DENND2B: variants seen among roughly 807,000 people sequenced by gnomAD.
DENND2B encodes the protein DENN domain-containing protein 2B.
DENND2B carries 32 observed loss-of-function variants against 116.0 expected under a neutral mutation model. The ratio of observed to expected loss-of-function variants is 0.28; its 90% CI spans 0.21 to 0.37. The LOEUF is 0.37. DENND2B is among the 10% of genes least tolerant of loss of function. DENND2B has a pLI of 1.00. For missense variants in DENND2B, 1,276 were observed against 1,477.7 expected (o/e 0.86, Z 2.24); for synonymous variants, 588 against 583.9 (o/e 1.01, Z -0.10).
rs774917365 is a variant in DENND2B at position 8,713,989 on chromosome 11, G to A, written c.1987+9C>T. 2 of 1,614,062 alleles carry A rather than the reference G, an allele frequency of 1.2e-6. No individual in the cohort carries two copies. Among genetic ancestry groups the A allele is most frequent in the East Asian group, 4.5e-5 (2 of 44,886 alleles). ...GAGAGCTTCCGTACTCATGGGAGCT[G>A]TGCCTCACCTTTGAACCTGTCATCA... On this transcript the variant is annotated intron_variant, in intron 8 of 19. Coordinates refer to ENST00000313726, the MANE Select transcript of DENND2B (RefSeq NM_213618.2).
chr11:8,712,576 G>C lies in DENND2B; in HGVS notation c.2147C>G (p.Pro716Arg). 6.4e-7 allele frequency: 1 copy of C among 1,554,472 alleles called. No individual in the cohort carries two copies. Among genetic ancestry groups the C allele is most frequent in the Non-Finnish European group, 8.7e-7 (1 of 1,148,296 alleles). Residue 716 changes from proline to arginine, a missense_variant, in exon 9 of 20, where the codon CCC (proline) becomes CGC (arginine). Around this residue, in one of 2 missense-constraint regions of DENND2B, gnomAD observed 420 missense variants for 631.1 expected, o/e 0.67. Transcript: ENST00000313726. The surrounding 1 kb of genome is among the most constrained non-coding windows in gnomAD (Gnocchi z 4.4). Reference sequence around the variant, plus strand: ...CTTGGGAAACTGGTAGGAGACTTCGGGGAGGTAGGTGTTTCGCGATGGCTT... The same window carrying C: ...CTTGGGAAACTGGTAGGAGACTTCGCGGAGGTAGGTGTTTCGCGATGGCTT... ...KKKPSRNTYLPEVSYQFPKLD... is the reference protein window; with the variant it reads ...KKKPSRNTYLREVSYQFPKLD...
intron 2 of DENND2B, among the ~76,000 whole-genome samples, chr11:8,735,773 G>T (rs2048919095): frequency 6.6e-6 from 1 of 152,250 alleles, no homozygotes; most frequent in South Asian, 2.1e-4. Context: ...CACCTAGAGA[G>T]GGAACACTAG....
chr11:8,806,935 G>A (rs2060914901), intron 1 of DENND2B, among the ~76,000 whole-genome samples: 2 of 141,862 alleles, frequency 1.4e-5, no homozygotes, highest in South Asian at 2.2e-4. Context: ...TTCTTTTTTC[G>A]CTCTATGCCC....
rs147901748 is a variant in DENND2B at position 8,737,024 on chromosome 11, G to C, written c.81-5815C>G. On this transcript the variant is annotated intron_variant, in intron 2 of 19. Transcript: ENST00000313726. ...GATGACTCGGATCAGAAGGGTACTG[G>C]TAGAGACGGATCTACTTTGAGGGCT... is the stretch of plus-strand genomic sequence containing the variant. 1.1e-3 allele frequency among the ~76,000 whole-genome samples: 171 copies of C among 152,316 alleles called. 1 individual carries two copies. Among genetic ancestry groups the C allele is most frequent in the African/African-American group, 3.9e-3 (162 of 41,566 alleles).
intron 9 of DENND2B, chr11:8,711,939 G>C: frequency 2.2e-6 from 1 of 455,460 alleles, no homozygotes. Context: ...CTCCATGCAG[G>C]TGTCTGGACA....
At chr11:8,736,366 G>GA (rs563446497) in intron 2 of DENND2B, among the ~76,000 whole-genome samples, 43,697 of 147,444 alleles carry the variant, frequency 0.3, 6,893 homozygotes, top group Middle Eastern at 0.48. Flanking sequence ...TGTCTCAAAA[G>GA]AAAAAAAAAA....
chr11:8,694,030 A>C lies in DENND2B; in HGVS notation c.*66T>G, dbSNP rs1592252368. The C allele has an allele frequency of 1.9e-6, 3 of 1,589,070 alleles. No individual in the cohort carries two copies. The East Asian group carries it at 6.7e-5, about 36-fold the overall frequency. On this transcript the variant is annotated 3_prime_UTR_variant, in exon 20 of 20. Coordinates refer to ENST00000313726, the MANE Select transcript of DENND2B (RefSeq NM_213618.2). ...GAGCCACAGCAGCCCAGAGGGTCCC[A>C]GGCTGGGCCTTCTCCCCAGGCTTCA...
Position 8,833,741 on chromosome 11 carries a change from T to C in DENND2B, c.-115+5569A>G, listed in dbSNP as rs528497392. 1.2e-3 allele frequency among the ~76,000 whole-genome samples: 181 copies of C among 152,236 alleles called. 4 individuals carry two copies. In the South Asian group the frequency reaches 0.036, roughly 30 times the overall value. The stretch of plus-strand genomic sequence containing the variant: ...GGAAGAAGGCTAAGCACCTGGAATC[T>C]CCCCTTCCTCCACAGCACCAGTAAA... On this transcript the variant is annotated intron_variant, in intron 4 of 6. Transcript: ENST00000524757.
upstream of DENND2B, among the ~76,000 whole-genome samples, chr11:8,875,164 AT>A (rs1397700756): frequency 6.6e-6 from 1 of 151,912 alleles, no homozygotes; most frequent in African/African-American, 2.4e-5. Flanking sequence ...TCTACTAAAG[AT>A]ACAAAAAATT....
chr11:8,868,025 A>G (rs1245600928), intron 2 of DENND2B, among the ~76,000 whole-genome samples: 2 of 152,166 alleles, frequency 1.3e-5, no homozygotes, highest in African/African-American at 2.4e-5. Flanking sequence ...GAAAAAACCA[A>G]AGCATTGCGA....
rs148782617 is a variant in DENND2B at position 8,694,145 on chromosome 11, G to A, written c.3380-15C>T. The A allele has an allele frequency of 1.2e-5, 20 of 1,614,122 alleles. No homozygotes were observed. The highest frequency in any genetic ancestry group is 8.3e-5 in the Admixed American group (5 of 60,016). On this transcript the variant is annotated splice_polypyrimidine_tract_variant and intron_variant, in intron 19 of 19. Coordinates refer to ENST00000313726, the MANE Select transcript of DENND2B (RefSeq NM_213618.2). ...CATTTTGTTGCCTGTGGGCCAGAGA[G>A]GACAAGAGAGAATGTTCAGTGTTAT...
intron 1 of DENND2B, among the ~76,000 whole-genome samples, chr11:8,897,214 G>A (rs985570030): frequency 1.3e-5 from 2 of 152,018 alleles, no homozygotes; most frequent in East Asian, 1.9e-4. Context: ...CAGAGATTGC[G>A]CCACTGCACT....
intron 3 of DENND2B, among the ~76,000 whole-genome samples, chr11:8,855,844 A>G (rs2063175401): frequency 6.6e-6 from 1 of 152,124 alleles, no homozygotes; most frequent in South Asian, 2.1e-4. Context: ...TCCAAACAGA[A>G]TAAGGAAAGG....
intron 1 of DENND2B, among the ~76,000 whole-genome samples, chr11:8,752,887 C>A (rs1402879926): frequency 6.6e-6 from 1 of 152,056 alleles, no homozygotes; most frequent in Non-Finnish European, 1.5e-5. Flanking sequence ...ACTAAAAAAC[C>A]TATTAAACTG....
intron 1 of DENND2B, among the ~76,000 whole-genome samples, chr11:8,774,843 T>A (rs982250156): frequency 6.6e-6 from 1 of 151,716 alleles, no homozygotes; most frequent in South Asian, 2.1e-4. Context: ...GAACCCTATC[T>A]AGGTCTTCTT....
chr11:8,775,834 C>T (rs2057549246), intron 1 of DENND2B, among the ~76,000 whole-genome samples: 1 of 152,136 alleles, frequency 6.6e-6, no homozygotes, highest in African/African-American at 2.4e-5. Flanking sequence ...CCAGTGCCAG[C>T]CCATAGGAGG....
chr11:8,697,459 T>C, intron 17 of DENND2B, 66 bp downstream of exon 17: 1 of 1,305,564 alleles, frequency 7.7e-7, no homozygotes, highest in Non-Finnish European at 1.1e-6. Context: ...TCTGGCCCTA[T>C]GGGGCCCTGA....
In DENND2B at chr11:8,711,139, A is replaced by G; in HGVS notation, c.2265T>C (p.Pro755=). 6.2e-7 allele frequency: 1 copy of G among 1,614,090 alleles called. No homozygotes were observed. The highest frequency in any genetic ancestry group is 8.5e-7 in the Non-Finnish European group (1 of 1,179,966). Reference sequence around the variant, plus strand: ...GGCCTCACCTGCTATACTCTGACACAGGAAGCCAGTCCTTGGCATCAGGGA... The same window carrying G: ...GGCCTCACCTGCTATACTCTGACACGGGAAGCCAGTCCTTGGCATCAGGGA... ...FCFPDAKDWL[P]VSEYSSETFS... is the part of the protein sequence containing the mutation. Residue 755 remains proline (P), a synonymous_variant, in exon 10 of 20, where the codon CCT becomes CCC. Coordinates refer to ENST00000313726, the MANE Select transcript of DENND2B (RefSeq NM_213618.2).
chr11:8,799,671 T>C (rs2060150004), intron 1 of DENND2B, among the ~76,000 whole-genome samples: 1 of 150,092 alleles, frequency 6.7e-6, no homozygotes, highest in South Asian at 2.1e-4. Flanking sequence ...CTCAAACTCA[T>C]GGGCTCAAGC....
Sources: gnomAD v4.1 joint callset for allele counts (sites outside exome capture counted in the v4.1 genomes callset) on GRCh38, gnomAD v4.1.1 for gene constraint, gnomAD v4.1.1 regional missense constraint, Gnocchi (gnomAD v3.1) non-coding constraint, MANE v1.5 for transcripts, NCBI Gene and HGNC (gene_info 2026-07-23, HGNC 2026-07-21) for gene names.